Variants in SLC26A4 observed in about 807,000 individuals in gnomAD.
The protein encoded by SLC26A4 is pendrin.
SLC26A4 carries 93 observed loss-of-function variants against 90.4 expected under a neutral mutation model. That is an observed-to-expected ratio of 1.03 (90% CI 0.87 to 1.22). The LOEUF is 1.22. SLC26A4 is among the 50% of genes most tolerant of loss of function. The probability of loss-of-function intolerance (pLI) is 0.00; values close to 1 mark genes in which losing one functional copy is unlikely to be tolerated. For missense variants in SLC26A4, 1,127 were observed against 946.2 expected, an observed-to-expected ratio of 1.19 and a Z score of -2.51; for synonymous variants, 393 against 354.6, an observed-to-expected ratio of 1.11 and a Z score of -1.22.
At chr7:107,664,784 G>A (rs1188527069) in intron 3 of SLC26A4, among the ~76,000 whole-genome samples, 3 of 152,124 alleles carry the variant, frequency 2.0e-5, no homozygotes, top group Non-Finnish European at 4.4e-5. Flanking sequence ...CTAGCAGCAT[G>A]GCATTCTCCT....
chr7:107,691,955 G>A (rs528453963), intron 10 of SLC26A4: 9 of 1,287,832 alleles, frequency 7.0e-6, no homozygotes, highest in South Asian at 3.7e-5. Flanking sequence ...CATTTGAGAC[G>A]GAGCACTGAC....
At chr7:107,699,574 G>T (rs114035927) in intron 14 of SLC26A4, among the ~76,000 whole-genome samples, 1 of 152,078 alleles carries the variant, frequency 6.6e-6, no homozygotes, top group Non-Finnish European at 1.5e-5. Flanking sequence ...TTCTAACTTT[G>T]ACCTTCTATG....
intron 10 of SLC26A4, 73 bp downstream of exon 10, chr7:107,690,310 C>G (rs533745588): frequency 1.5e-5 from 14 of 925,948 alleles, no homozygotes; most frequent in East Asian, 4.8e-5. Context: ...AGGCTCGCAC[C>G]GAGCTTAGCA....
chr7:107,671,097 T>C (rs1193964036), intron 3 of SLC26A4, among the ~76,000 whole-genome samples: 1 of 152,216 alleles, frequency 6.6e-6, no homozygotes, highest in Non-Finnish European at 1.5e-5. Flanking sequence ...CAGAGAAATA[T>C]TGAGCTCAGA....
At chr7:107,688,796 G>A (rs775957702) in intron 8 of SLC26A4, among the ~76,000 whole-genome samples, 4 of 152,238 alleles carry the variant, frequency 2.6e-5, no homozygotes, top group African/African-American at 7.2e-5. Flanking sequence ...ATTTATTCAT[G>A]TGAGAGATAG....
intron 3 of SLC26A4, 35 bp downstream of exon 3, chr7:107,663,470 A>C: frequency 6.2e-7 from 1 of 1,613,062 alleles, no homozygotes; most frequent in Non-Finnish European, 8.5e-7. Context: ...TCTGGTCTCC[A>C]GCAGGAGTTT....
At position 107,672,205 on chromosome 7, in the gene SLC26A4, C is replaced by G; in HGVS notation, c.372C>G (p.Ile124Met). The change falls in exon 4 of 21, where the codon ATC becomes ATG. Residue 124 changes from isoleucine (I) to methionine (M), a missense_variant. Transcript: ENST00000644269. ...GYGLYSAFFP[I>M]LTYFIFGTSR... is the part of the protein sequence containing the mutation. ...GTCTCTACTCTGCTTTTTTCCCTAT[C>G]CTGACATACTTTATCTTTGGAACAT... The G allele has an allele frequency of 6.2e-7, 1 of 1,611,596 alleles. No individual in the cohort carries two copies. The highest frequency in any genetic ancestry group is 8.5e-7 in the Non-Finnish European group (1 of 1,177,892).
At chr7:107,675,208 G>A in intron 6 of SLC26A4, 99 bp downstream of exon 6, 1 of 1,124,944 alleles carries the variant, frequency 8.9e-7, no homozygotes. Flanking sequence ...GCTCACACCT[G>A]TAATCCCAGC....
chr7:107,679,839 A>G (rs893843493), intron 6 of SLC26A4, among the ~76,000 whole-genome samples: 2 of 126,048 alleles, frequency 1.6e-5, no homozygotes, highest in Admixed American at 1.7e-4. Flanking sequence ...TTATATTATT[A>G]TATAATCTTA....
intron 20 of SLC26A4, among the ~76,000 whole-genome samples, chr7:107,713,986 C>A (rs908102004): frequency 6.6e-6 from 1 of 152,100 alleles, no homozygotes; most frequent in Non-Finnish European, 1.5e-5. Context: ...ACAATCTCAG[C>A]TCACTGCAAT....
At chr7:107,711,709 G>A (rs1304258519) in intron 19 of SLC26A4, among the ~76,000 whole-genome samples, 1 of 152,126 alleles carries the variant, frequency 6.6e-6, no homozygotes, top group Non-Finnish European at 1.5e-5. Flanking sequence ...CTGTATCAAA[G>A]ATATTGTGAC....
In SLC26A4 at chr7:107,661,573, G is replaced by T. The variant is rs1014400207; in HGVS notation, c.-3-66G>T. Reference sequence around the variant, plus strand: ...GGTGATCCCGTTCTTTCTGTTCCTCGCTCTTCCCCTCCGATCGTCCTCGCT... The same window carrying T: ...GGTGATCCCGTTCTTTCTGTTCCTCTCTCTTCCCCTCCGATCGTCCTCGCT... On this transcript the variant is annotated intron_variant, in intron 1 of 20. Coordinates refer to ENST00000644269, the MANE Select transcript of SLC26A4 (RefSeq NM_000441.2). The surrounding 1 kb of genome is among the most constrained non-coding windows in gnomAD (Gnocchi z 5.1). 6.7e-7 allele frequency: 1 copy of T among 1,488,144 alleles called. No individual in the cohort carries two copies. The highest frequency in any genetic ancestry group is 2.0e-5 in the Admixed American group (1 of 50,884). The allele number at this position is 1,488,144 out of a possible 1,614,324, so 92.2% of individuals were successfully genotyped here. A position where few individuals can be genotyped will look rare whatever the true frequency, so the allele number is the denominator to read the frequency against.
At chr7:107,685,521 G>A (rs984775435) in intron 8 of SLC26A4, among the ~76,000 whole-genome samples, 4 of 152,102 alleles carry the variant, frequency 2.6e-5, no homozygotes, top group Non-Finnish European at 2.9e-5. Context: ...CATAAGTTAG[G>A]ATCACTCCTA....
chr7:107,703,500 C>A (rs527658928), intron 17 of SLC26A4, among the ~76,000 whole-genome samples: 2 of 152,276 alleles, frequency 1.3e-5, no homozygotes, highest in South Asian at 4.1e-4. Flanking sequence ...GTTATTAGCT[C>A]ATTTGAAATC....
At chr7:107,710,408 A>G (rs1379913638) in intron 19 of SLC26A4, among the ~76,000 whole-genome samples, 2 of 152,220 alleles carry the variant, frequency 1.3e-5, no homozygotes, top group Admixed American at 6.5e-5. Context: ...GTTTATAGGA[A>G]ATTACCTGGT....
Position 107,663,730 on chromosome 7 carries a change from C to G in SLC26A4, c.304+295C>G, listed in dbSNP as rs1030747048. Among the ~76,000 whole-genome samples the G allele has an allele frequency of 5.3e-5, 8 of 152,180 alleles. No individual in the cohort carries two copies. In the East Asian group the frequency reaches 1.5e-3, roughly 29 times the overall value. On this transcript the variant is annotated intron_variant, in intron 3 of 20. Transcript: ENST00000644269. Reference sequence around the variant, plus strand: ...ACGGGGGCTCGCTCTGTCACCTAGGCTGGAGTGCAGTGGCGCAATCCTGGC... The same window carrying G: ...ACGGGGGCTCGCTCTGTCACCTAGGGTGGAGTGCAGTGGCGCAATCCTGGC...
In SLC26A4 at chr7:107,661,086, T is replaced by C. The variant is rs546225214; in HGVS notation, c.-4+231T>C. 384 of 154,252 alleles carry C rather than the reference T, an allele frequency of 2.5e-3. 4 individuals are homozygous for C. Among genetic ancestry groups the C allele is most frequent in the Non-Finnish European group, 4.6e-3 (321 of 69,612 alleles). 9.6% of individuals were successfully genotyped at this position (154,252 alleles called of 1,614,324 possible). A position where few individuals can be genotyped will look rare whatever the true frequency, so the allele number is the denominator to read the frequency against. Reference sequence around the variant, plus strand: ...CCCCCGAGAGGGCTGCGACAGCTGCTGGAATGTGCCTGCAGCGTCCGCCTC... The same window carrying C: ...CCCCCGAGAGGGCTGCGACAGCTGCCGGAATGTGCCTGCAGCGTCCGCCTC... On this transcript the variant is annotated intron_variant, in intron 1 of 20. Coordinates refer to ENST00000644269, the MANE Select transcript of SLC26A4 (RefSeq NM_000441.2). This position sits in a 1 kb window ranked among gnomAD's most constrained non-coding sequence, Gnocchi z 5.1.
intron 10 of SLC26A4, among the ~76,000 whole-genome samples, chr7:107,692,397 C>A (rs1014338765): frequency 6.6e-6 from 1 of 152,116 alleles, no homozygotes; most frequent in Non-Finnish European, 1.5e-5. Context: ...TCAGCATCTA[C>A]AAAATGGAAA....
chr7:107,683,633 G>C, intron 8 of SLC26A4, 96 bp downstream of exon 8: 2 of 923,516 alleles, frequency 2.2e-6, no homozygotes, highest in Non-Finnish European at 3.4e-6. Context: ...TCATTTCACT[G>C]ATACTCCTTC....
Sources: gnomAD v4.1 joint callset for allele counts (sites outside exome capture counted in the v4.1 genomes callset) on GRCh38, gnomAD v4.1.1 for gene constraint, Gnocchi (gnomAD v3.1) non-coding constraint, MANE v1.5 for transcripts, NCBI Gene and HGNC (gene_info 2026-07-23, HGNC 2026-07-21) for gene names.